Variants in ARHGAP26 observed in about 807,000 individuals in gnomAD.
ARHGAP26 encodes the protein rho GTPase-activating protein 26.
A neutral mutation model predicts 104.8 loss-of-function variants in ARHGAP26; 38 were observed. The ratio of observed to expected loss-of-function variants is 0.36; its 90% CI spans 0.28 to 0.48. The LOEUF is 0.48. Among genes scored for constraint, ARHGAP26 ranks in the 20% least tolerant of loss-of-function variants. ARHGAP26 has a pLI of 0.99. For synonymous variants in ARHGAP26, 341 were observed against 340.0 expected (o/e 1.00, Z -0.03); for missense variants, 704 against 947.9 (o/e 0.74, Z 3.38).
intron 1 of ARHGAP26, among the ~76,000 whole-genome samples, chr5:142,773,322 T>C (rs115198172): frequency 0.011 from 1,604 of 152,354 alleles, 20 homozygotes; most frequent in Non-Finnish European, 0.015. Context: ...CTCTAAACTT[T>C]TGTGGCTTTA....
chr5:143,049,902 G>A lies in ARHGAP26; in HGVS notation c.1286-4537G>A, dbSNP rs1784756124. Reference sequence around the variant, plus strand: ...CTTATGACTCTCATGTTTCTTCTACGGCTCTCCTTCTGATTCACTTGCCTT... The same window carrying A: ...CTTATGACTCTCATGTTTCTTCTACAGCTCTCCTTCTGATTCACTTGCCTT... On this transcript the variant is annotated intron_variant, in intron 14 of 22. Coordinates refer to ENST00000645722, the MANE Select transcript of ARHGAP26 (RefSeq NM_001135608.3). Among the ~76,000 whole-genome samples, 5 of 152,054 alleles carry A rather than the reference G, an allele frequency of 3.3e-5. No individual in the cohort carries two copies. The South Asian group carries it at 8.3e-4, about 25-fold the overall frequency.
At position 142,879,408 on chromosome 5, in the gene ARHGAP26, T is replaced by C; in HGVS notation, c.347T>C (p.Leu116Ser). The C allele has an allele frequency of 6.2e-7, 1 of 1,613,994 alleles. No individual in the cohort carries two copies. Among genetic ancestry groups the C allele is most frequent in the Non-Finnish European group, 8.5e-7 (1 of 1,179,954 alleles). ...ENASEVLITP[L>S]EKFRKEQIGA... ...GCCAGCGAGGTGCTCATCACTCCCT[T>C]GGAGAAGTTTCGAAAGGAACAGATC... is the stretch of plus-strand genomic sequence containing the variant. Residue 116 changes from leucine (L) to serine (S), a missense_variant, in exon 4 of 23, where the codon TTG (leucine) becomes TCG (serine). Physicochemically the swap from Leu to Ser is moderately radical, Grantham distance 145. This residue lies in a region of ARHGAP26 where 106 missense variants were observed against 120.5 expected (regional missense o/e 0.88). Transcript: ENST00000645722.
intron 11 of ARHGAP26, among the ~76,000 whole-genome samples, chr5:142,965,221 AAGCACAGCATCACAGGGAGACGGTT>A (rs1357143184): frequency 6.6e-6 from 1 of 152,210 alleles, no homozygotes; most frequent in East Asian, 1.9e-4. Context: ...ATGACCACTT[AAGCACAGCATCACAGGGAGACGGTT>A]AGGCCTCCGG....
chr5:142,776,036 G>A (rs557461127), intron 1 of ARHGAP26, among the ~76,000 whole-genome samples: 6 of 152,186 alleles, frequency 3.9e-5, no homozygotes, highest in Admixed American at 2.6e-4. Flanking sequence ...GCAGTTACTT[G>A]CTTCAGGTCA....
intron 21 of ARHGAP26, among the ~76,000 whole-genome samples, chr5:143,207,782 G>A (rs1008797589): frequency 6.6e-6 from 1 of 152,186 alleles, no homozygotes. Context: ...AACAGTGTTG[G>A]GACATGTGCC....
chr5:143,083,272 C>T (rs982186559), intron 17 of ARHGAP26, among the ~76,000 whole-genome samples: 9 of 152,198 alleles, frequency 5.9e-5, no homozygotes, highest in African/African-American at 2.2e-4. Context: ...TGTATTTCTG[C>T]TCAAGCATAC....
At chr5:143,126,393 A>G (rs1796734349) in intron 18 of ARHGAP26, among the ~76,000 whole-genome samples, 1 of 152,230 alleles carries the variant, frequency 6.6e-6, no homozygotes. Context: ...TTTTGAACTG[A>G]CTTCTGAAAA....
intron 12 of ARHGAP26, among the ~76,000 whole-genome samples, chr5:143,034,904 C>T (rs748155183): frequency 5.9e-5 from 9 of 152,296 alleles, no homozygotes; most frequent in Middle Eastern, 6.8e-3. Context: ...AGCCTGTAAT[C>T]AGAATCTTGA....
At chr5:142,879,514 A>G (rs886515962) in intron 4 of ARHGAP26, 69 bp downstream of exon 4, 8 of 1,384,924 alleles carry the variant, frequency 5.8e-6, no homozygotes, top group Non-Finnish European at 7.9e-6. Context: ...ACCTTTCTTT[A>G]AAACAAAGTC....
At chr5:142,898,342 T>G (rs1336583951) in intron 6 of ARHGAP26, among the ~76,000 whole-genome samples, 1 of 152,176 alleles carries the variant, frequency 6.6e-6, no homozygotes, top group Non-Finnish European at 1.5e-5. Flanking sequence ...ATTGACTCCA[T>G]GAAGGTGAAG....
intron 20 of ARHGAP26, chr5:143,170,021 C>T (rs1203868571): frequency 6.6e-6 from 1 of 152,172 alleles, no homozygotes. Context: ...TATCTTCCTA[C>T]TTAGCCCTGG....
intron 17 of ARHGAP26, among the ~76,000 whole-genome samples, chr5:143,118,422 G>C (rs1795748104): frequency 6.6e-6 from 1 of 152,174 alleles, no homozygotes. Context: ...GGCAGGCCTA[G>C]TGGTGATTTG....
At position 143,228,448 on chromosome 5, in the gene ARHGAP26, T is replaced by C. The variant is rs1274806809; in HGVS notation, c.*6002T>C. On this transcript the variant is annotated 3_prime_UTR_variant, in exon 23 of 23. Transcript: ENST00000645722. ...GCCATTTTAAAACTGTTCATATTTA[T>C]CAAACAATTACTGTCTACAGCTACA... The C allele has an allele frequency of 1.4e-5, 3 of 219,562 alleles. No individual in the cohort carries two copies. The highest frequency in any genetic ancestry group is 1.3e-4 in the East Asian group (2 of 14,860). The allele number at this position is 219,562 out of a possible 1,614,324, so 13.6% of individuals were successfully genotyped here. A position where few individuals can be genotyped will look rare whatever the true frequency, so the allele number is the denominator to read the frequency against.
At chr5:143,181,381 G>A (rs1484632388) in intron 20 of ARHGAP26, among the ~76,000 whole-genome samples, 1 of 152,118 alleles carries the variant, frequency 6.6e-6, no homozygotes, top group Non-Finnish European at 1.5e-5. Flanking sequence ...TCATCTCTGG[G>A]GAACACTGTG....
chr5:142,922,754 C>G (rs1344609717), intron 10 of ARHGAP26, among the ~76,000 whole-genome samples: 8 of 152,200 alleles, frequency 5.3e-5, no homozygotes, highest in African/African-American at 1.9e-4. Context: ...ACTTTTCCCT[C>G]CTGGTGCAAC....
At chr5:142,894,979 A>C (rs533100058) in intron 6 of ARHGAP26, among the ~76,000 whole-genome samples, 56 of 152,324 alleles carry the variant, frequency 3.7e-4, no homozygotes, top group African/African-American at 1.3e-3. Context: ...ACTTTAGTTT[A>C]GGCCACACCA....
chr5:143,124,065 A>C (rs1282478074), intron 18 of ARHGAP26, among the ~76,000 whole-genome samples: 1 of 152,246 alleles, frequency 6.6e-6, no homozygotes, highest in Non-Finnish European at 1.5e-5. Flanking sequence ...CCCTATTTGA[A>C]GAAATGCTTT....
chr5:143,200,202 G>A (rs998550893), intron 20 of ARHGAP26, among the ~76,000 whole-genome samples: 5 of 152,172 alleles, frequency 3.3e-5, no homozygotes, highest in African/African-American at 1.2e-4. Flanking sequence ...GTGGGGTAAT[G>A]GTGAGAAGGA....
In ARHGAP26 at chr5:142,879,365, C is replaced by T; in HGVS notation, c.313-9C>T. On this transcript the variant is annotated splice_polypyrimidine_tract_variant and intron_variant, in intron 3 of 22. Coordinates refer to ENST00000645722, the MANE Select transcript of ARHGAP26 (RefSeq NM_001135608.3). ...GTCTTCTTTCCCTTACTCTGTTGTT[C>T]TTCACCAGATTGAGAATGCCAGCGA... 2 of 1,613,348 alleles carry T rather than the reference C, an allele frequency of 1.2e-6. No individual in the cohort carries two copies. The highest frequency in any genetic ancestry group is 1.7e-6 in the Non-Finnish European group (2 of 1,179,310).
Sources: allele counts gnomAD v4.1 joint callset (sites outside exome capture counted in the v4.1 genomes callset), GRCh38; gene constraint gnomAD v4.1.1; regional missense constraint gnomAD v4.1.1; transcripts MANE v1.5; gene names NCBI Gene and HGNC (gene_info 2026-07-23, HGNC 2026-07-21).